BPTF: variants seen among roughly 807,000 people sequenced by gnomAD.
BPTF encodes nucleosome-remodeling factor subunit BPTF.
A neutral mutation model predicts 292.5 loss-of-function variants in BPTF; 18 were observed. The observed-to-expected ratio is 0.06, with a 90% CI of 0.04 to 0.09. The LOEUF is 0.09. Ranked by LOEUF, BPTF falls within the 10% of genes least tolerant of loss-of-function variation. The probability of loss-of-function intolerance (pLI) is 1.00; values close to 1 mark genes in which losing one functional copy is unlikely to be tolerated. For missense variants in BPTF, 2,726 were observed against 3,498.7 expected, an observed-to-expected ratio of 0.78 and a Z score of 5.57; for synonymous variants, 1,225 against 1,251.9, an observed-to-expected ratio of 0.98 and a Z score of 0.45.
intron 9 of BPTF, among the ~76,000 whole-genome samples, chr17:67,907,001 A>G (rs1306456351): frequency 1.3e-5 from 2 of 152,128 alleles, no homozygotes; most frequent in Admixed American, 1.3e-4. Flanking sequence ...CCTGGGCAAC[A>G]TGGCAAATCC....
chr17:67,912,347 T>G lies in BPTF; in HGVS notation c.4463T>G (p.Leu1488Arg). Residue 1488 changes from leucine to arginine, a missense_variant, in exon 11 of 28, where the codon CTG (leucine) becomes CGG (arginine). Coordinates refer to ENST00000306378, the MANE Select transcript of BPTF (RefSeq NM_182641.4). ...AGCTCCGAAACAAAATCGCATTTGC[T>G]GAGTTCTTCAGATGCTGAAGGTAAC... ...RNSSETKSHL[L>R]SSSDAEGNYR... 6.2e-7 allele frequency: 1 copy of G among 1,614,118 alleles called. No individual in the cohort carries two copies. The highest frequency in any genetic ancestry group is 8.5e-7 in the Non-Finnish European group (1 of 1,180,000).
At chr17:67,884,497 C>A (rs1232877464) in intron 4 of BPTF, among the ~76,000 whole-genome samples, 1 of 152,056 alleles carries the variant, frequency 6.6e-6, no homozygotes, top group East Asian at 1.9e-4. Flanking sequence ...CTCACTGCAG[C>A]CTCTGGCTCT....
intron 7 of BPTF, among the ~76,000 whole-genome samples, chr17:67,895,642 T>G (rs2061391346): frequency 6.6e-6 from 1 of 151,986 alleles, no homozygotes; most frequent in African/African-American, 2.4e-5. Flanking sequence ...TTTGTATTTT[T>G]TATAGACACG....
Position 67,982,590 on chromosome 17 carries a change from T to C in BPTF, c.*302T>C, listed in dbSNP as rs1214364529. On this transcript the variant is annotated 3_prime_UTR_variant, in exon 28 of 28. Coordinates refer to ENST00000306378, the MANE Select transcript of BPTF (RefSeq NM_182641.4). The stretch of plus-strand genomic sequence containing the variant: ...AAGAAAGCAAGAAAAAAAGATACTA[T>C]GGGGTCAAGTGTAACTCCATGGAAA... The C allele has an allele frequency of 3.9e-6, 1 of 255,694 alleles. No individual in the cohort carries two copies. Among genetic ancestry groups the C allele is most frequent in the Non-Finnish European group, 7.4e-6 (1 of 134,440 alleles). The allele number at this position is 255,694 out of a possible 1,614,324, so 15.8% of individuals were successfully genotyped here. A position where few individuals can be genotyped will look rare whatever the true frequency, so the allele number is the denominator to read the frequency against.
In BPTF at chr17:67,920,139, A is replaced by G. The variant is rs763088429; in HGVS notation, c.5553A>G (p.Pro1851=). ...GTCCCATTGGAGTTCCAGAAACACC[A>G]AAAGGTAAGAAATAGAATTCTATTC... ...IICPIGVPET[P]KETPTPQRKG... The change falls in exon 13 of 28, where the codon CCA becomes CCG. Residue 1851 remains proline, a synonymous_variant. Coordinates refer to ENST00000306378, the MANE Select transcript of BPTF (RefSeq NM_182641.4). 1 of 1,610,240 alleles carries G rather than the reference A, an allele frequency of 6.2e-7. No individual in the cohort carries two copies. The highest frequency in any genetic ancestry group is 8.5e-7 in the Non-Finnish European group (1 of 1,177,490).
chr17:67,972,903 C>T (rs566943463), intron 26 of BPTF, among the ~76,000 whole-genome samples: 6 of 151,686 alleles, frequency 4.0e-5, no homozygotes, highest in South Asian at 2.1e-4. Flanking sequence ...CCTACAGCAT[C>T]GATGTGCCAA....
At chr17:67,832,341 T>A (rs1404631610) in intron 1 of BPTF, among the ~76,000 whole-genome samples, 1 of 152,058 alleles carries the variant, frequency 6.6e-6, no homozygotes, top group Non-Finnish European at 1.5e-5. Flanking sequence ...CACGTAAATA[T>A]AATTATAATG....
In BPTF at chr17:67,945,611, C is replaced by G. The variant is rs782232054; in HGVS notation, c.6903C>G (p.Thr2301=). ...PEVQTQPEVQ[T]QTTVSSHVPS... is the part of the protein sequence containing the mutation. ...TTCAGACTCAGCCTGAAGTTCAGAC[C>G]CAAACAACTGTTTCATCCCATGTCC... is the stretch of plus-strand genomic sequence containing the variant. Residue 2301 remains threonine, a synonymous_variant, in exon 21 of 28, where the codon ACC becomes ACG. Transcript: ENST00000306378. The G allele has an allele frequency of 1.2e-6, 2 of 1,613,214 alleles. No individual in the cohort carries two copies. Among genetic ancestry groups the G allele is most frequent in the South Asian group, 2.2e-5 (2 of 90,992 alleles).
rs1245511289 is a variant in BPTF at position 67,955,563 on chromosome 17, A to C, written c.7927-3978A>C. On this transcript the variant is annotated intron_variant, in intron 23 of 27. Transcript: ENST00000306378. ...CTTCAGAGGCCGGGCACGGTGGCTC[A>C]TGCCTGTAATCGCAGCACTTTGGGA... 3.3e-5 allele frequency: 5 copies of C among 152,252 alleles called. No homozygotes were observed. The South Asian group carries it at 8.3e-4, about 25-fold the overall frequency. 9.4% of individuals were successfully genotyped at this position (152,252 alleles called of 1,614,324 possible). A position where few individuals can be genotyped will look rare whatever the true frequency, so the allele number is the denominator to read the frequency against.
chr17:67,954,776 T>TC (rs559446828), intron 23 of BPTF, among the ~76,000 whole-genome samples: 29 of 152,332 alleles, frequency 1.9e-4, no homozygotes, highest in Middle Eastern at 6.8e-3. Context: ...CCAAAATCCG[T>TC]CCCATGATGT....
rs769879193 is a variant in BPTF at position 67,920,111 on chromosome 17, T to A, written c.5525T>A (p.Ile1842Asn). Reference sequence around the variant, plus strand: ...TCTGAATATTGTATCAGGAAAATCATTTGTCCCATTGGAGTTCCAGAAACA... The same window carrying A: ...TCTGAATATTGTATCAGGAAAATCAATTGTCCCATTGGAGTTCCAGAAACA... ...IRSEYCIRKI[I>N]CPIGVPETPK... Residue 1842 changes from isoleucine (I) to asparagine (N), a missense_variant, in exon 13 of 28, where the codon ATT (isoleucine) becomes AAT (asparagine). Coordinates refer to ENST00000306378, the MANE Select transcript of BPTF (RefSeq NM_182641.4). 58 of 1,612,658 alleles carry A rather than the reference T, an allele frequency of 3.6e-5. No homozygotes were observed. The highest frequency in any genetic ancestry group is 4.8e-5 in the Non-Finnish European group (57 of 1,178,816).
rs557091526 is a variant in BPTF, at chr17:67,952,695, G to GATT, written c.7926+4403_7926+4405dup. On this transcript the variant is annotated intron_variant, in intron 23 of 27. Coordinates refer to ENST00000306378, the MANE Select transcript of BPTF (RefSeq NM_182641.4). ...TTGTTAGAATTAATGAGCCAATAGT[G>GATT]ATTATTATTATTATTAACGAAAGTC... is the stretch of plus-strand genomic sequence containing the variant. Among the ~76,000 whole-genome samples the GATT allele has an allele frequency of 3.6e-4, 55 of 152,140 alleles. 1 individual carries two copies. The highest frequency in any genetic ancestry group is 1.1e-3 in the African/African-American group (44 of 41,504).
Position 67,825,847 on chromosome 17 carries a change from G to T in BPTF, c.123G>T (p.Ser41=). The T allele has an allele frequency of 9.9e-7, 1 of 1,014,220 alleles. No individual in the cohort carries two copies. The highest frequency in any genetic ancestry group is 1.2e-6 in the Non-Finnish European group (1 of 850,668). The allele number at this position is 1,014,220 out of a possible 1,614,324, so 62.8% of individuals were successfully genotyped here. A position where few individuals can be genotyped will look rare whatever the true frequency, so the allele number is the denominator to read the frequency against. Residue 41 remains serine, a synonymous_variant, in exon 1 of 28, where the codon TCG becomes TCT. Transcript: ENST00000306378. ...CCGGACCCATCGGGGGGCTCCGCTC[G>T]CGGCACCGCGGCAGCAGCCGGGGCA... ...PTSGPIGGLR[S]RHRGSSRGRW...
intron 7 of BPTF, 83 bp downstream of exon 7, chr17:67,894,248 A>G: frequency 7.2e-7 from 1 of 1,392,820 alleles, no homozygotes; most frequent in Admixed American, 2.0e-5. Flanking sequence ...AAGTTAATAT[A>G]TTTAAGAGGC....
intron 1 of BPTF, among the ~76,000 whole-genome samples, chr17:67,840,201 C>T (rs2057440879): frequency 1.3e-5 from 2 of 151,554 alleles, no homozygotes; most frequent in South Asian, 4.2e-4. Context: ...TTCCTAGCCT[C>T]AAGCCATCCT....
At chr17:67,925,776 T>G (rs2063818929) in intron 15 of BPTF, among the ~76,000 whole-genome samples, 4 of 152,040 alleles carry the variant, frequency 2.6e-5, no homozygotes, top group African/African-American at 4.8e-5. Context: ...ATAAAACATT[T>G]TTTCAAATTC....
intron 7 of BPTF, among the ~76,000 whole-genome samples, chr17:67,902,977 C>T (rs1219337863): frequency 6.6e-6 from 1 of 152,214 alleles, no homozygotes; most frequent in East Asian, 1.9e-4. Flanking sequence ...AAAATCTAGT[C>T]TAATCCCCTA....
intron 24 of BPTF, 120 bp downstream of exon 24, chr17:67,959,995 T>C (rs2067320891): frequency 8.7e-6 from 7 of 800,688 alleles, no homozygotes; most frequent in Non-Finnish European, 1.3e-5. Flanking sequence ...TTAAGAGTAA[T>C]GTTTCATCCA....
chr17:67,894,257 G>A, intron 7 of BPTF, 92 bp downstream of exon 7: 5 of 1,337,408 alleles, frequency 3.7e-6, no homozygotes, highest in Non-Finnish European at 5.2e-6. Flanking sequence ...TATTTAAGAG[G>A]CCATATTGAA....
Sources: gnomAD v4.1 joint callset for allele counts (sites outside exome capture counted in the v4.1 genomes callset) on GRCh38, gnomAD v4.1.1 for gene constraint, MANE v1.5 for transcripts, NCBI Gene and HGNC (gene_info 2026-07-23, HGNC 2026-07-21) for gene names.